The following THOC2 variants were observed in gnomAD, a reference collection of about 807,000 sequenced individuals.
THOC2 encodes THO complex 2.
In THOC2, 10 loss-of-function variants were observed where a neutral mutation model predicts 128.4. The ratio of observed to expected loss-of-function variants is 0.08; its 90% CI spans 0.05 to 0.13. The LOEUF is 0.13. Among genes scored for constraint, THOC2 ranks in the 10% least tolerant of loss-of-function variants. THOC2 has a pLI of 1.00. For missense variants in THOC2, 535 were observed against 1,155.7 expected, an observed-to-expected ratio of 0.46 and a Z score of 7.79; for synonymous variants, 393 against 396.9, an observed-to-expected ratio of 0.99 and a Z score of 0.12.
chrX:123,613,955 T>C, intron 34 of THOC2, 97 bp downstream of exon 34: 2 of 859,051 alleles, frequency 2.3e-6, no homozygotes, highest in Non-Finnish European at 3.2e-6. Context: ...AATAACAGAC[T>C]ACTATGGAAC....
chrX:123,718,842 A>G (rs2051547979), intron 1 of THOC2, among the ~76,000 whole-genome samples: 1 of 110,999 alleles, frequency 9.0e-6, no homozygotes, highest in Non-Finnish European at 1.9e-5. Flanking sequence ...AATATTTGCA[A>G]GCCAAACATC....
rs767752924 is a variant in THOC2, at chrX:123,706,424, G to A, written c.222+434C>T. Among the ~76,000 whole-genome samples, 26 of 109,769 alleles carry A rather than the reference G, an allele frequency of 2.4e-4. No homozygotes were observed. In the East Asian group the frequency reaches 7.1e-3, roughly 30 times the overall value. ...CTAGGGTACATGTGCACAACGTGCAGGTTTGTTACATATGTATACAGGTGC... is the reference window on the plus strand; with the variant it reads ...CTAGGGTACATGTGCACAACGTGCAAGTTTGTTACATATGTATACAGGTGC... On this transcript the variant is annotated intron_variant, in intron 3 of 38. Transcript: ENST00000245838.
rs139863251 is a variant in THOC2 at position 123,681,721 on chromosome X, T to C, written c.768+4827A>G. Among the ~76,000 whole-genome samples, 5 of 112,315 alleles carry C rather than the reference T, an allele frequency of 4.5e-5. No homozygotes were observed. In the East Asian group the frequency reaches 8.4e-4, roughly 19 times the overall value. On this transcript the variant is annotated intron_variant, in intron 8 of 38. Coordinates refer to ENST00000245838, the MANE Select transcript of THOC2 (RefSeq NM_001081550.2). ...CAACATGTGGTCTTTGATTAGATCA[T>C]CATGTGAACATACCAGGTGTAAAAT...
chrX:123,660,209 G>A (rs1284749840), intron 12 of THOC2, among the ~76,000 whole-genome samples: 1 of 111,513 alleles, frequency 9.0e-6, no homozygotes, highest in African/African-American at 3.3e-5. Context: ...CAGGATGAAT[G>A]CAATGGAGAA....
intron 4 of THOC2, among the ~76,000 whole-genome samples, chrX:123,702,125 G>A (rs61449841): frequency 9.0e-6 from 1 of 111,530 alleles, no homozygotes; most frequent in Admixed American, 9.7e-5. Flanking sequence ...CAAACCTGCA[G>A]AGGATGTCTT....
chrX:123,634,640 T>G (rs1484837500), intron 19 of THOC2, among the ~76,000 whole-genome samples: 2 of 111,982 alleles, frequency 1.8e-5, no homozygotes, highest in Non-Finnish European at 3.8e-5. Context: ...CTTCATAGCA[T>G]TTTTTCTCCT....
intron 1 of THOC2, among the ~76,000 whole-genome samples, chrX:123,717,245 A>T (rs781147375): frequency 1.4e-4 from 16 of 111,664 alleles, no homozygotes; most frequent in South Asian, 3.7e-4. Context: ...AGGCAAAAAA[A>T]TTTTTTTAAA....
Position 123,679,862 on chromosome X carries a change from A to C in THOC2, c.768+6686T>G, listed in dbSNP as rs776563303. 2.7e-5 allele frequency among the ~76,000 whole-genome samples: 3 copies of C among 112,272 alleles called. No homozygotes were observed. The East Asian group carries it at 8.4e-4, about 31-fold the overall frequency. ...GGGCTGTGCAAGGTGTGCTTTGTTA[A>C]ACAAATGCTTGAAGGCAGCATGCTT... On this transcript the variant is annotated intron_variant, in intron 8 of 38. Transcript: ENST00000245838.
intron 19 of THOC2, among the ~76,000 whole-genome samples, chrX:123,635,534 T>C (rs1182516829): frequency 8.9e-6 from 1 of 111,868 alleles, no homozygotes; most frequent in Non-Finnish European, 1.9e-5. Context: ...ACATACATAC[T>C]AATTCAAACT....
rs1569351729 is a variant in THOC2 at position 123,636,003 on chromosome X, A to G, written c.2018+76T>C. The G allele has an allele frequency of 5.2e-6, 4 of 763,856 alleles. No individual in the cohort carries two copies. In the East Asian group the frequency reaches 1.3e-4, roughly 25 times the overall value. 63.0% of individuals were successfully genotyped at this position (763,856 alleles called of 1,213,427 possible). A position where few individuals can be genotyped will look rare whatever the true frequency, so the allele number is the denominator to read the frequency against. On this transcript the variant is annotated intron_variant, in intron 19 of 38. Transcript: ENST00000245838. ...ACCAACAAATAAGTAGTCTTTCGGG[A>G]TAACAGAGTCTCAATAACCCCAAAC... is the stretch of plus-strand genomic sequence containing the variant.
chrX:123,703,449 C>A lies in THOC2; in HGVS notation c.274+5G>T. ...TTACAGGTGAAATAAAGGCTTAATACCTACCTAATATGCAGAATACATCAG... is the reference window on the plus strand; with the variant it reads ...TTACAGGTGAAATAAAGGCTTAATAACTACCTAATATGCAGAATACATCAG... On this transcript the variant is annotated splice_donor_5th_base_variant and intron_variant, in intron 4 of 38. Coordinates refer to ENST00000245838, the MANE Select transcript of THOC2 (RefSeq NM_001081550.2). 8.7e-7 allele frequency: 1 copy of A among 1,149,020 alleles called. No homozygotes were observed. 94.7% of individuals were successfully genotyped at this position (1,149,020 alleles called of 1,213,427 possible). A position where few individuals can be genotyped will look rare whatever the true frequency, so the allele number is the denominator to read the frequency against.
intron 17 of THOC2, 113 bp from the exon 18 acceptor site, chrX:123,638,236 A>G (rs2047750923): frequency 4.6e-6 from 2 of 433,776 alleles, no homozygotes; most frequent in South Asian, 5.3e-5. Flanking sequence ...TTATTTTTCT[A>G]GTTTTCCAAG....
chrX:123,627,560 AC>A, intron 23 of THOC2, 132 bp downstream of exon 23: 1 of 668,896 alleles, frequency 1.5e-6, no homozygotes, highest in Non-Finnish European at 2.2e-6. Context: ...TAACTATTAA[AC>A]CCCATTTAAG....
Position 123,683,294 on chromosome X carries a change from G to GA in THOC2, c.768+3253dup, listed in dbSNP as rs760475906. On this transcript the variant is annotated intron_variant, in intron 8 of 38. Coordinates refer to ENST00000245838, the MANE Select transcript of THOC2 (RefSeq NM_001081550.2). ...CATAGAATAATACTAGCATTAAGGG[G>GA]AAAAAAAAAGAAGCCTATTAATCCA... Among the ~76,000 whole-genome samples the GA allele has an allele frequency of 1.8e-4, 20 of 108,400 alleles. No homozygotes were observed. In the East Asian group the frequency reaches 3.5e-3, roughly 19 times the overall value. The allele number at this position is 108,400 out of a possible 115,157, so 94.1% of individuals were successfully genotyped here.
Position 123,693,407 on chromosome X carries a change from G to A in THOC2, c.601+2614C>T, listed in dbSNP as rs765087228. On this transcript the variant is annotated intron_variant, in intron 7 of 38. Coordinates refer to ENST00000245838, the MANE Select transcript of THOC2 (RefSeq NM_001081550.2). The stretch of plus-strand genomic sequence containing the variant: ...TTTGAACCTGGGAGGCAGAGGTTGC[G>A]GATAGCCAAGATTGTACCACTGCAC... Among the ~76,000 whole-genome samples the A allele has an allele frequency of 5.7e-3, 640 of 111,812 alleles. 5 individuals are homozygous for A. The highest frequency in any genetic ancestry group is 9.0e-3 in the Non-Finnish European group (480 of 53,096).
In THOC2 at chrX:123,703,102, G is replaced by A. The variant is rs139293709; in HGVS notation, c.274+352C>T. Among the ~76,000 whole-genome samples, 864 of 111,798 alleles carry A rather than the reference G, an allele frequency of 7.7e-3. 6 individuals are homozygous for A. Among genetic ancestry groups the A allele is most frequent in the Non-Finnish European group, 0.013 (669 of 53,165 alleles). On this transcript the variant is annotated intron_variant, in intron 4 of 38. Transcript: ENST00000245838. ...AGAGCAAAGTAAGTATTTCTTGAGAGTCCTAAGTCTGAGATTCTGACATCA... is the reference window on the plus strand; with the variant it reads ...AGAGCAAAGTAAGTATTTCTTGAGAATCCTAAGTCTGAGATTCTGACATCA...
At chrX:123,644,511 T>C (rs1333322713) in intron 15 of THOC2, 64 bp downstream of exon 15, 7 of 871,302 alleles carry the variant, frequency 8.0e-6, no homozygotes, top group Admixed American at 6.5e-5. Context: ...ACAAGCTACC[T>C]GAAAGAAAGT....
rs1465609975 is a variant in THOC2 at position 123,696,946 on chromosome X, T to C, written c.346-104A>G. The C allele has an allele frequency of 4.9e-6, 3 of 608,320 alleles. No individual in the cohort carries two copies. The Admixed American group carries it at 1.4e-4, about 28-fold the overall frequency. The allele number at this position is 608,320 out of a possible 1,213,427, so 50.1% of individuals were successfully genotyped here. A position where few individuals can be genotyped will look rare whatever the true frequency, so the allele number is the denominator to read the frequency against. On this transcript the variant is annotated intron_variant, in intron 5 of 38. Transcript: ENST00000245838. ...CTAAATAAGAATACAAAAATAACATTCTCTACATAACAACCTACAATTTAT... is the reference window on the plus strand; with the variant it reads ...CTAAATAAGAATACAAAAATAACATCCTCTACATAACAACCTACAATTTAT...
At chrX:123,643,663 C>T (rs992393170) in intron 15 of THOC2, among the ~76,000 whole-genome samples, 1 of 108,524 alleles carries the variant, frequency 9.2e-6, no homozygotes, top group Admixed American at 1.0e-4. Context: ...CCTCCCATAG[C>T]ACTTTATTCA....
Sources: gnomAD v4.1 joint callset for allele counts (sites outside exome capture counted in the v4.1 genomes callset) on GRCh38, gnomAD v4.1.1 for gene constraint, MANE v1.5 for transcripts, NCBI Gene and HGNC (gene_info 2026-07-23, HGNC 2026-07-21) for gene names.